Variants in GPR158 observed in about 807,000 individuals in gnomAD.
GPR158 encodes the protein G protein-coupled receptor 158.
A neutral mutation model predicts 78.2 loss-of-function variants in GPR158; 30 were observed. That is an observed-to-expected ratio of 0.38 (90% confidence interval 0.29 to 0.52). GPR158 has a LOEUF of 0.52. Among genes scored for constraint, GPR158 ranks in the 20% least tolerant of loss-of-function variants. GPR158 has a pLI of 0.83. For missense variants in GPR158, 1,463 were observed against 1,523.5 expected (o/e 0.96, Z 0.66); for synonymous variants, 581 against 591.1 (o/e 0.98, Z 0.25).
intron 1 of GPR158, among the ~76,000 whole-genome samples, chr10:25,182,168 A>G (rs1852618366): frequency 6.6e-6 from 1 of 152,214 alleles, no homozygotes; most frequent in South Asian, 2.1e-4. Context: ...AGTCCTATCA[A>G]TGTACAATGA....
Position 25,176,075 on chromosome 10 carries a change from G to T in GPR158, c.655G>T (p.Glu219Ter). The part of the protein sequence containing the change: ...SAPHLANATL[E>*]TEWFHGLRRK... ...ACCCCACCTGGCCAACGCCACTCTGGAGACCGAGTGGTTCCACGGCCTCCG... is the reference window on the plus strand; with the variant it reads ...ACCCCACCTGGCCAACGCCACTCTGTAGACCGAGTGGTTCCACGGCCTCCG... Residue 219 changes from glutamate to a stop codon, truncating the protein, a stop_gained, in exon 1 of 11, where the codon GAG becomes TAG. Coordinates refer to ENST00000376351, the MANE Select transcript of GPR158 (RefSeq NM_020752.3). LOFTEE classifies it high-confidence loss of function. This position sits in a 1 kb window ranked among gnomAD's most constrained non-coding sequence, Gnocchi z 6.3. 1 of 1,600,388 alleles carries T rather than the reference G, an allele frequency of 6.2e-7. No homozygotes were observed. The highest frequency in any genetic ancestry group is 8.5e-7 in the Non-Finnish European group (1 of 1,174,118).
intron 10 of GPR158, among the ~76,000 whole-genome samples, chr10:25,597,392 G>T (rs1407105566): frequency 1.3e-5 from 2 of 152,208 alleles, no homozygotes; most frequent in Non-Finnish European, 2.9e-5. Context: ...CAACTTGAAT[G>T]TACAAAGTGC....
chr10:25,341,134 T>C (rs1183320486), intron 2 of GPR158, among the ~76,000 whole-genome samples: 1 of 151,948 alleles, frequency 6.6e-6, no homozygotes, highest in African/African-American at 2.4e-5. Flanking sequence ...AATAAACTCA[T>C]TTTCAGACAA....
chr10:25,258,049 T>C (rs1194534420), intron 2 of GPR158, among the ~76,000 whole-genome samples: 1 of 152,196 alleles, frequency 6.6e-6, no homozygotes, highest in Non-Finnish European at 1.5e-5. Flanking sequence ...GAAATAAAAA[T>C]AATCCCCTAG....
At chr10:25,340,571 A>G (rs183722499) in intron 2 of GPR158, among the ~76,000 whole-genome samples, 52 of 152,196 alleles carry the variant, frequency 3.4e-4, no homozygotes, top group Admixed American at 1.3e-3. Flanking sequence ...GAAAAACACA[A>G]TAACTCAAGT....
intron 2 of GPR158, among the ~76,000 whole-genome samples, chr10:25,273,218 C>G (rs1480150804): frequency 6.6e-6 from 1 of 152,062 alleles, no homozygotes; most frequent in Non-Finnish European, 1.5e-5. Flanking sequence ...AGTGATATCT[C>G]CCAAACTGGC....
chr10:25,457,140 CTTTT>C (rs11384299), intron 4 of GPR158, among the ~76,000 whole-genome samples: 1 of 59,418 alleles, frequency 1.7e-5, no homozygotes, highest in African/African-American at 6.8e-5. Flanking sequence ...CCATGCCCAC[CTTTT>C]TTTTTTTTTT....
intron 4 of GPR158, among the ~76,000 whole-genome samples, chr10:25,451,950 T>C (rs762778179): frequency 3.3e-5 from 5 of 152,212 alleles, no homozygotes; most frequent in Non-Finnish European, 1.5e-5. Context: ...GGTCCCCGTT[T>C]TACCCAGTAG....
At chr10:25,203,007 G>A (rs1056145884) in intron 1 of GPR158, among the ~76,000 whole-genome samples, 1 of 152,206 alleles carries the variant, frequency 6.6e-6, no homozygotes, top group Admixed American at 6.5e-5. Flanking sequence ...GATGGCCAGT[G>A]ATGGTGAGCA....
At chr10:25,532,535 C>T (rs1437301085) in intron 5 of GPR158, among the ~76,000 whole-genome samples, 3 of 151,998 alleles carry the variant, frequency 2.0e-5, no homozygotes, top group Non-Finnish European at 2.9e-5. Flanking sequence ...CTCCTTGGGT[C>T]GTTTTCTGTA....
intron 5 of GPR158, among the ~76,000 whole-genome samples, chr10:25,525,140 G>A (rs1273893080): frequency 3.9e-5 from 6 of 152,142 alleles, no homozygotes; most frequent in Middle Eastern, 3.2e-3. Flanking sequence ...GAGTGTTGGC[G>A]AGGAGGTAGA....
chr10:25,471,709 C>A (rs1334529652), intron 5 of GPR158, among the ~76,000 whole-genome samples: 1 of 152,108 alleles, frequency 6.6e-6, no homozygotes, highest in African/African-American at 2.4e-5. Flanking sequence ...TCTCTGATGG[C>A]CAGTGATGGT....
intron 2 of GPR158, among the ~76,000 whole-genome samples, chr10:25,255,567 G>A (rs1853879291): frequency 6.6e-6 from 1 of 152,132 alleles, no homozygotes; most frequent in Non-Finnish European, 1.5e-5. Flanking sequence ...CTCCCTTGTG[G>A]TTATAGGATG....
chr10:25,372,300 T>C (rs36174940), intron 2 of GPR158, among the ~76,000 whole-genome samples: 23,511 of 151,422 alleles, frequency 0.16, 2,104 homozygotes, highest in African/African-American at 0.24. Flanking sequence ...GTCAGTGTGG[T>C]GATTCCTCAG....
At position 25,598,178 on chromosome 10, in the gene GPR158, C is replaced by T. The variant is rs1837437188; in HGVS notation, c.2552C>T (p.Ser851Phe). Reference sequence around the variant, plus strand: ...ACAACAGAAAATTCCACACTGGAATCCCTGTCGGGTAAAAAACTAACACAA... The same window carrying T: ...ACAACAGAAAATTCCACACTGGAATTCCTGTCGGGTAAAAAACTAACACAA... ...EETTENSTLE[S>F]LSGKKLTQKL... Residue 851 changes from serine to phenylalanine, a missense_variant, in exon 11 of 11, where the codon TCC becomes TTC. Ser to Phe is a radical substitution (Grantham distance 155, BLOSUM62 -2). Coordinates refer to ENST00000376351, the MANE Select transcript of GPR158 (RefSeq NM_020752.3). The T allele has an allele frequency of 6.2e-7, 1 of 1,614,138 alleles. No individual in the cohort carries two copies.
chr10:25,573,266 G>T (rs1350512543), intron 7 of GPR158, among the ~76,000 whole-genome samples: 3 of 152,196 alleles, frequency 2.0e-5, no homozygotes, highest in African/African-American at 4.8e-5. Flanking sequence ...AAGCACGCTG[G>T]TTTTTTAAAT....
chr10:25,504,600 C>T (rs996440747), intron 5 of GPR158, among the ~76,000 whole-genome samples: 1 of 152,158 alleles, frequency 6.6e-6, no homozygotes, highest in Admixed American at 6.5e-5. Context: ...GGAGCCCTCC[C>T]ACTGGGTCTA....
chr10:25,232,615 G>T (rs546844695), intron 2 of GPR158, among the ~76,000 whole-genome samples: 1 of 152,146 alleles, frequency 6.6e-6, no homozygotes, highest in African/African-American at 2.4e-5. Flanking sequence ...TATTCATCCA[G>T]GACAGGTTTC....
intron 2 of GPR158, among the ~76,000 whole-genome samples, chr10:25,373,453 G>A (rs1159647730): frequency 1.3e-5 from 2 of 151,842 alleles, no homozygotes; most frequent in Non-Finnish European, 2.9e-5. Context: ...TGCTATAGAT[G>A]AGATTTAAAT....
Sources: allele counts gnomAD v4.1 joint callset (sites outside exome capture counted in the v4.1 genomes callset), GRCh38; gene constraint gnomAD v4.1.1; non-coding constraint Gnocchi (gnomAD v3.1); transcripts MANE v1.5; gene names NCBI Gene and HGNC (gene_info 2026-07-23, HGNC 2026-07-21).